Variants in FRMD4A observed in about 807,000 individuals in gnomAD.
FRMD4A encodes the protein FERM domain-containing protein 4A.
FRMD4A carries 29 observed loss-of-function variants against 129.1 expected under a neutral mutation model. The observed-to-expected ratio is 0.22, with a 90% CI of 0.17 to 0.31. FRMD4A has a LOEUF of 0.31. Among genes scored for constraint, FRMD4A ranks in the 10% least tolerant of loss-of-function variants. The pLI is 1.00. For missense variants in FRMD4A, 1,272 were observed against 1,375.8 expected (o/e 0.92, Z 1.19); for synonymous variants, 634 against 571.6 (o/e 1.11, Z -1.56).
intron 2 of FRMD4A, among the ~76,000 whole-genome samples, chr10:14,006,186 C>T (rs766686481): frequency 7.2e-5 from 11 of 152,136 alleles, no homozygotes; most frequent in Non-Finnish European, 1.6e-4. Context: ...CAATTAGTTC[C>T]ACTCTCCATT....
At chr10:13,880,023 G>C (rs1409019689) in intron 2 of FRMD4A, among the ~76,000 whole-genome samples, 1 of 151,910 alleles carries the variant, frequency 6.6e-6, no homozygotes, top group African/African-American at 2.4e-5. Context: ...ACTCAGTTCT[G>C]AACCCTGGAG....
In FRMD4A at chr10:14,230,136, C is replaced by T. The variant is rs375218570; in HGVS notation, c.45+99922G>A. Reference sequence around the variant, plus strand: ...ACATTTCTGAATAAAACACAAGCAACGGTGCACACCTCTCCTTTACAGTCC... The same window carrying T: ...ACATTTCTGAATAAAACACAAGCAATGGTGCACACCTCTCCTTTACAGTCC... On this transcript the variant is annotated intron_variant, in intron 2 of 24. Transcript: ENST00000357447. Among the ~76,000 whole-genome samples, 8 of 152,312 alleles carry T rather than the reference C, an allele frequency of 5.3e-5. No individual in the cohort carries two copies. In the South Asian group the frequency reaches 6.2e-4, roughly 12 times the overall value.
chr10:13,701,240 G>C lies in FRMD4A; in HGVS notation c.975+100C>G, dbSNP rs528586876. ...CTGTATCTGTGCAAGGTATGGACCC[G>C]GGCAAGGGACATGGCGCCTCCCCCA... On this transcript the variant is annotated intron_variant, in intron 14 of 24. Coordinates refer to ENST00000357447, the MANE Select transcript of FRMD4A (RefSeq NM_018027.5). 323 of 1,092,036 alleles carry C rather than the reference G, an allele frequency of 3.0e-4. 2 individuals carry two copies. In the South Asian group the frequency reaches 4.3e-3, roughly 14 times the overall value. 67.6% of individuals were successfully genotyped at this position (1,092,036 alleles called of 1,614,324 possible). A position where few individuals can be genotyped will look rare whatever the true frequency, so the allele number is the denominator to read the frequency against.
chr10:13,873,976 G>A (rs1004335690), intron 2 of FRMD4A, among the ~76,000 whole-genome samples: 1 of 151,788 alleles, frequency 6.6e-6, no homozygotes, highest in African/African-American at 2.4e-5. Context: ...GTTGGGTGTG[G>A]TGGTTCATGC....
intron 3 of FRMD4A, among the ~76,000 whole-genome samples, chr10:13,820,858 C>A (rs2093619815): frequency 6.6e-6 from 1 of 152,202 alleles, no homozygotes; most frequent in Non-Finnish European, 1.5e-5. Context: ...GGAGTGGGTG[C>A]AGCTGTGGGA....
intron 2 of FRMD4A, among the ~76,000 whole-genome samples, chr10:14,101,011 T>C (rs1338375608): frequency 6.6e-6 from 1 of 152,190 alleles, no homozygotes; most frequent in Non-Finnish European, 1.5e-5. Flanking sequence ...GGCCCCAAAC[T>C]CCAGGGTTTC....
chr10:13,899,621 C>G (rs1440057842), intron 2 of FRMD4A, among the ~76,000 whole-genome samples: 20 of 152,122 alleles, frequency 1.3e-4, no homozygotes, highest in Admixed American at 1.3e-3. Flanking sequence ...TATGATCATA[C>G]CACTGCATTC....
At chr10:14,287,842 G>A (rs918125206) in intron 2 of FRMD4A, among the ~76,000 whole-genome samples, 4 of 152,002 alleles carry the variant, frequency 2.6e-5, no homozygotes, top group African/African-American at 4.8e-5. Flanking sequence ...TAAAATGAAT[G>A]ACAAGTGCCA....
At chr10:13,939,728 C>T (rs1188995211) in intron 2 of FRMD4A, among the ~76,000 whole-genome samples, 2 of 152,202 alleles carry the variant, frequency 1.3e-5, no homozygotes, top group Admixed American at 1.3e-4. Flanking sequence ...CAGTGACCCC[C>T]TCTCAGACAA....
chr10:13,960,110 T>C (rs1431037658), intron 2 of FRMD4A, among the ~76,000 whole-genome samples: 1 of 152,278 alleles, frequency 6.6e-6, no homozygotes, highest in South Asian at 2.1e-4. Context: ...AACCACTATC[T>C]CTGTGAACTT....
At chr10:13,884,649 C>T (rs567310819) in intron 2 of FRMD4A, among the ~76,000 whole-genome samples, 5 of 152,172 alleles carry the variant, frequency 3.3e-5, no homozygotes, top group Non-Finnish European at 5.9e-5. Flanking sequence ...TTCCAGGACT[C>T]GCTGGAGACC....
At chr10:13,691,449 G>C (rs561292043) in intron 15 of FRMD4A, among the ~76,000 whole-genome samples, 1 of 152,180 alleles carries the variant, frequency 6.6e-6, no homozygotes, top group East Asian at 1.9e-4. Context: ...CCAGGACACG[G>C]GCTTAAAACT....
chr10:13,918,748 C>T (rs965580545), intron 2 of FRMD4A, among the ~76,000 whole-genome samples: 5 of 151,824 alleles, frequency 3.3e-5, no homozygotes, highest in African/African-American at 1.2e-4. Context: ...AGGCTGGTCT[C>T]GAACTCCTGA....
intron 2 of FRMD4A, among the ~76,000 whole-genome samples, chr10:14,088,785 C>CAGAAA (rs1312250993): frequency 1.4e-5 from 1 of 73,844 alleles, no homozygotes; most frequent in African/African-American, 5.7e-5. Flanking sequence ...GACTCTGTCT[C>CAGAAA]AAAAAAAAAA....
chr10:13,718,365 G>C (rs1452581157), intron 12 of FRMD4A, among the ~76,000 whole-genome samples: 2 of 152,250 alleles, frequency 1.3e-5, no homozygotes, highest in African/African-American at 4.8e-5. Context: ...AGCAGAGATA[G>C]GAGGCGGTGG....
intron 2 of FRMD4A, among the ~76,000 whole-genome samples, chr10:14,298,029 C>T (rs1054620607): frequency 6.6e-6 from 1 of 152,170 alleles, no homozygotes; most frequent in Non-Finnish European, 1.5e-5. Flanking sequence ...CAAATCCAAC[C>T]CAATGCCTGT....
At chr10:14,037,290 G>A (rs1833545001) in intron 2 of FRMD4A, among the ~76,000 whole-genome samples, 1 of 152,130 alleles carries the variant, frequency 6.6e-6, no homozygotes, top group African/African-American at 2.4e-5. Flanking sequence ...CCAGGCTGGA[G>A]GGCAGTACAC....
At chr10:14,287,449 T>C (rs754902089) in intron 2 of FRMD4A, among the ~76,000 whole-genome samples, 2 of 152,180 alleles carry the variant, frequency 1.3e-5, no homozygotes, top group Non-Finnish European at 2.9e-5. Flanking sequence ...GTGATTAGGA[T>C]ACTAGTTAAT....
chr10:14,279,276 C>A (rs186972077), intron 2 of FRMD4A, among the ~76,000 whole-genome samples: 1 of 150,668 alleles, frequency 6.6e-6, no homozygotes, highest in Admixed American at 6.6e-5. Flanking sequence ...GCAACCTCCG[C>A]CTCCCAGGTT....
Sources: allele counts gnomAD v4.1 joint callset (sites outside exome capture counted in the v4.1 genomes callset), GRCh38; gene constraint gnomAD v4.1.1; transcripts MANE v1.5; gene names NCBI Gene and HGNC (gene_info 2026-07-23, HGNC 2026-07-21).